Variants in ZNF503 observed in about 807,000 individuals in gnomAD.
The protein encoded by ZNF503 is zinc finger protein 503.
Under a neutral mutation model 34.4 loss-of-function variants are expected in ZNF503, and 15 were observed. The ratio of observed to expected loss-of-function variants is 0.44; its 90% CI spans 0.29 to 0.67. The LOEUF is 0.67. ZNF503 is among the 30% of genes least tolerant of loss of function. ZNF503 has a pLI of 0.13. For missense variants in ZNF503, 1,007 were observed against 926.8 expected (o/e 1.09, Z -1.12); for synonymous variants, 580 against 456.8 (o/e 1.27, Z -3.44).
At chr10:75,340,471 A>G in the ZNF503 span, among the ~76,000 whole-genome samples, 1 of 152,236 alleles carries the variant, frequency 6.6e-6, no homozygotes, top group South Asian at 2.1e-4. Flanking sequence ...GATATCCATG[A>G]TAGTTTTGTT....
At position 75,399,972 on chromosome 10, in the gene ZNF503, C is replaced by T. The variant is rs1362589997; in HGVS notation, c.718G>A (p.Gly240Ser). The change falls in exon 2 of 2, where the codon GGT (glycine) becomes AGT (serine). Residue 240 changes from glycine to serine, a missense_variant. By Grantham distance (56) the Gly-to-Ser change is moderately conservative (BLOSUM62 0). Coordinates refer to ENST00000372524, the MANE Select transcript of ZNF503 (RefSeq NM_032772.6). ...GCACCCCCGGCCGAGGACAGCATAC[C>T]TCCCGGCGAGCAGGCCGAGGCGCTG... ...SSSASACSPG[G>S]MLSSAGGAPE... 2 of 1,606,634 alleles carry T rather than the reference C, an allele frequency of 1.2e-6. No homozygotes were observed. The highest frequency in any genetic ancestry group is 1.7e-6 in the Non-Finnish European group (2 of 1,179,528).
At chr10:75,397,670 C>T (rs1419332844), downstream of ZNF503, among the ~76,000 whole-genome samples, 1 of 152,258 alleles carries the variant, frequency 6.6e-6, no homozygotes, top group Non-Finnish European at 1.5e-5. Context: ...AACTTCGCGG[C>T]TGGTAGCCCC....
At chr10:75,392,598 C>T in the ZNF503 span, among the ~76,000 whole-genome samples, 1 of 152,112 alleles carries the variant, frequency 6.6e-6, no homozygotes, top group African/African-American at 2.4e-5. Flanking sequence ...AGCTGGCTGG[C>T]AGAGGATTTG....
At chr10:75,315,021 A>G in the ZNF503 span, among the ~76,000 whole-genome samples, 2 of 152,272 alleles carry the variant, frequency 1.3e-5, no homozygotes, top group Non-Finnish European at 2.9e-5. Flanking sequence ...GATGGTGTAT[A>G]AATTACTTAT....
At chr10:75,391,563 T>A in the ZNF503 span, among the ~76,000 whole-genome samples, 1 of 152,226 alleles carries the variant, frequency 6.6e-6, no homozygotes, top group Non-Finnish European at 1.5e-5. Flanking sequence ...CAGCAAATGC[T>A]ATTTCCAGCT....
chr10:75,336,407 T>C, the ZNF503 span, among the ~76,000 whole-genome samples: 1 of 147,402 alleles, frequency 6.8e-6, no homozygotes, highest in Admixed American at 6.7e-5. Context: ...AAGCTGAAAA[T>C]TCCCAAAACT....
the ZNF503 span, among the ~76,000 whole-genome samples, chr10:75,321,593 G>A: frequency 6.6e-6 from 1 of 152,244 alleles, no homozygotes; most frequent in African/African-American, 2.4e-5. Flanking sequence ...TTATTGGGAA[G>A]TGGAACAAAA....
chr10:75,300,934 G>A, the ZNF503 span, among the ~76,000 whole-genome samples: 1 of 151,908 alleles, frequency 6.6e-6, no homozygotes, highest in Non-Finnish European at 1.5e-5. Context: ...TGGAACTCCT[G>A]ACCTCATGAT....
chr10:75,357,131 C>T, the ZNF503 span, among the ~76,000 whole-genome samples: 1 of 150,662 alleles, frequency 6.6e-6, no homozygotes, highest in African/African-American at 2.4e-5. Context: ...TTTTTTTAAG[C>T]ACAGGAGCAT....
chr10:75,326,098 A>G, the ZNF503 span, among the ~76,000 whole-genome samples: 1 of 152,230 alleles, frequency 6.6e-6, no homozygotes, highest in South Asian at 2.1e-4. Context: ...AAAAACATCA[A>G]TTACTTTTGC....
chr10:75,393,412 G>A (rs1304566317), downstream of ZNF503, among the ~76,000 whole-genome samples: 1 of 152,236 alleles, frequency 6.6e-6, no homozygotes, highest in South Asian at 2.1e-4. Flanking sequence ...GCACTGAGGA[G>A]GTGAAATGGT....
Position 75,401,522 on chromosome 10 carries a change from G to A in ZNF503, c.-103C>T, listed in dbSNP as rs1223236346. Reference sequence around the variant, plus strand: ...CCCGGGAGCAGGAGCAGCGGGAGGAGGAGGAGCTGGCGCGGCGGCCACGGG... The same window carrying A: ...CCCGGGAGCAGGAGCAGCGGGAGGAAGAGGAGCTGGCGCGGCGGCCACGGG... On this transcript the variant is annotated 5_prime_UTR_variant, in exon 1 of 2. Coordinates refer to ENST00000372524, the MANE Select transcript of ZNF503 (RefSeq NM_032772.6). 1.4e-6 allele frequency: 2 copies of A among 1,398,094 alleles called. No individual in the cohort carries two copies. Among genetic ancestry groups the A allele is most frequent in the South Asian group, 1.3e-5 (1 of 76,222 alleles). 86.6% of individuals were successfully genotyped at this position (1,398,094 alleles called of 1,614,324 possible). A position where few individuals can be genotyped will look rare whatever the true frequency, so the allele number is the denominator to read the frequency against.
At chr10:75,401,832 C>T (rs1284853103), upstream of ZNF503, 2 of 202,886 alleles carry the variant, frequency 9.9e-6, no homozygotes, top group African/African-American at 2.4e-5. Flanking sequence ...GCCTTCCAAT[C>T]AAATGGGAGC....
the ZNF503 span, among the ~76,000 whole-genome samples, chr10:75,373,810 T>C: frequency 6.6e-6 from 1 of 152,174 alleles, no homozygotes; most frequent in African/African-American, 2.4e-5. Flanking sequence ...AAAGTAGAAA[T>C]ACACAAGTGT....
At chr10:75,311,548 A>C in the ZNF503 span, among the ~76,000 whole-genome samples, 1 of 151,956 alleles carries the variant, frequency 6.6e-6, no homozygotes, top group African/African-American at 2.4e-5. Flanking sequence ...AACATTCCTG[A>C]AACAGGCTGG....
chr10:75,398,830 GGGCACC>G lies in ZNF503; in HGVS notation c.1854_1859del (p.Val619_Pro620del). ...GGGAGTAGTACGGTCCGGTGGCGGC[GGGCACC>G]GGCACGGGGGCGCCAGGCGTGGGAA... On this transcript the variant is annotated inframe_deletion, in exon 2 of 2. Coordinates refer to ENST00000372524, the MANE Select transcript of ZNF503 (RefSeq NM_032772.6). 1 of 1,499,578 alleles carries G rather than the reference GGGCACC, an allele frequency of 6.7e-7. No homozygotes were observed. Among genetic ancestry groups the G allele is most frequent in the South Asian group, 1.4e-5 (1 of 72,918 alleles). The allele number at this position is 1,499,578 out of a possible 1,614,324, so 92.9% of individuals were successfully genotyped here.
At chr10:75,291,440 C>T in the ZNF503 span, among the ~76,000 whole-genome samples, 13 of 152,056 alleles carry the variant, frequency 8.5e-5, no homozygotes, top group African/African-American at 3.1e-4. Context: ...GGTGAAACCC[C>T]ATCTCTACTA....
chr10:75,381,805 C>CTTTGTTTTTTTT, the ZNF503 span, among the ~76,000 whole-genome samples: 1 of 38,652 alleles, frequency 2.6e-5, no homozygotes. Context: ...GAACCTAATT[C>CTTTGTTTTTTTT]TTTTTTTTTT....
chr10:75,344,191 G>C, the ZNF503 span, among the ~76,000 whole-genome samples: 3 of 152,240 alleles, frequency 2.0e-5, no homozygotes, highest in Admixed American at 6.5e-5. Flanking sequence ...GTAGCACTGA[G>C]AGGGCCACAG....
Sources: gnomAD v4.1 joint callset for allele counts (sites outside exome capture counted in the v4.1 genomes callset) on GRCh38, gnomAD v4.1.1 for gene constraint, MANE v1.5 for transcripts, NCBI Gene and HGNC (gene_info 2026-07-23, HGNC 2026-07-21) for gene names.